The following CCDC3 variants were observed in gnomAD, a reference collection of about 807,000 sequenced individuals.
CCDC3 encodes coiled-coil domain-containing protein 3.
A neutral mutation model predicts 21.4 loss-of-function variants in CCDC3; 24 were observed. That is an observed-to-expected ratio of 1.12 (90% CI 0.81 to 1.58). The LOEUF (loss-of-function observed/expected upper bound fraction) is 1.58. Ranked by LOEUF, CCDC3 falls within the 40% of genes most tolerant of loss-of-function variation. The pLI, the probability that CCDC3 is intolerant of heterozygous loss-of-function variation, is 0.00. For missense variants in CCDC3, 425 were observed against 360.9 expected, an observed-to-expected ratio of 1.18 and a Z score of -1.44; for synonymous variants, 186 against 166.0, an observed-to-expected ratio of 1.12 and a Z score of -0.93.
At chr10:13,031,433 G>T (rs1039725962) in intron 5 of CCDC3, among the ~76,000 whole-genome samples, 1 of 152,110 alleles carries the variant, frequency 6.6e-6, no homozygotes, top group Non-Finnish European at 1.5e-5. Context: ...ACAATTAAAA[G>T]AACTAGAGAA....
At position 12,972,742 on chromosome 10, in the gene CCDC3, G is replaced by A. The variant is rs529638101; in HGVS notation, c.549+25596C>T. Reference sequence around the variant, plus strand: ...TGAGACATGAGAATCTCTTGAACCCGGGAGGCAGAGGTTGCAGTGAGCCGA... The same window carrying A: ...TGAGACATGAGAATCTCTTGAACCCAGGAGGCAGAGGTTGCAGTGAGCCGA... On this transcript the variant is annotated intron_variant, in intron 2 of 2. Coordinates refer to ENST00000378825, the MANE Select transcript of CCDC3 (RefSeq NM_031455.4). Among the ~76,000 whole-genome samples, 17 of 151,320 alleles carry A rather than the reference G, an allele frequency of 1.1e-4. No homozygotes were observed. In the East Asian group the frequency reaches 1.4e-3, roughly 12 times the overall value.
intron 2 of CCDC3, among the ~76,000 whole-genome samples, chr10:12,972,535 G>A (rs1436288313): frequency 6.6e-6 from 1 of 152,160 alleles, no homozygotes; most frequent in Non-Finnish European, 1.5e-5. Context: ...GAGAAATTGG[G>A]CCAGGCACGA....
intron 2 of CCDC3, among the ~76,000 whole-genome samples, chr10:12,996,193 A>G (rs1835759526): frequency 6.6e-6 from 1 of 152,052 alleles, no homozygotes; most frequent in African/African-American, 2.4e-5. Flanking sequence ...TAAGAAGGAG[A>G]AAAGGAAGAA....
At chr10:12,923,904 C>T (rs1439873365) in intron 2 of CCDC3, among the ~76,000 whole-genome samples, 3 of 152,210 alleles carry the variant, frequency 2.0e-5, no homozygotes, top group Non-Finnish European at 4.4e-5. Context: ...ACTCGACACT[C>T]CAACCCTGCT....
At chr10:13,036,517 C>T (rs1836378928) in intron 5 of CCDC3, among the ~76,000 whole-genome samples, 1 of 152,136 alleles carries the variant, frequency 6.6e-6, no homozygotes, top group Non-Finnish European at 1.5e-5. Context: ...TGGAGTCTCG[C>T]TCTGTGGTCT....
chr10:12,934,658 T>C (rs1589012446), intron 2 of CCDC3, among the ~76,000 whole-genome samples: 1 of 152,260 alleles, frequency 6.6e-6, no homozygotes, highest in East Asian at 1.9e-4. Flanking sequence ...AGAATCATTA[T>C]GCCTTCTTGG....
chr10:12,917,279 C>T (rs1319807165), intron 2 of CCDC3, among the ~76,000 whole-genome samples: 16 of 149,328 alleles, frequency 1.1e-4, no homozygotes, highest in Admixed American at 5.4e-4. Flanking sequence ...CTGCAAGCTC[C>T]GCCTCCCGGG....
chr10:13,035,239 C>T (rs774909689), intron 5 of CCDC3, among the ~76,000 whole-genome samples: 1 of 152,102 alleles, frequency 6.6e-6, no homozygotes, highest in Non-Finnish European at 1.5e-5. Context: ...CCTGTTTTTG[C>T]TCTAGCGTGT....
intron 5 of CCDC3, among the ~76,000 whole-genome samples, chr10:13,038,374 C>CAAAAAAAAAA (rs58667035): frequency 1.0e-5 from 1 of 98,842 alleles, no homozygotes; most frequent in Non-Finnish European, 2.0e-5. Flanking sequence ...AGTTGGAAAG[C>CAAAAAAAAAA]AAAAAAAAAA....
At chr10:13,080,932 G>T (rs1837031766) in intron 3 of CCDC3, among the ~76,000 whole-genome samples, 1 of 152,228 alleles carries the variant, frequency 6.6e-6, no homozygotes, top group African/African-American at 2.4e-5. Flanking sequence ...AACGCACAGG[G>T]GTGATGAGGG....
chr10:12,933,318 T>C (rs1157662412), intron 2 of CCDC3, among the ~76,000 whole-genome samples: 2 of 152,230 alleles, frequency 1.3e-5, no homozygotes, highest in African/African-American at 4.8e-5. Flanking sequence ...ACTGATTCAA[T>C]TTATTTAATA....
intron 5 of CCDC3, among the ~76,000 whole-genome samples, chr10:13,012,879 C>T (rs1490585723): frequency 1.3e-5 from 2 of 152,002 alleles, no homozygotes; most frequent in African/African-American, 2.4e-5. Context: ...ATATAACAAA[C>T]CTGCATGTGT....
In CCDC3 at chr10:13,070,821, T is replaced by A. The variant is rs1283187289; in HGVS notation, c.-270+3047A>T. Among the ~76,000 whole-genome samples the A allele has an allele frequency of 2.6e-5, 4 of 152,224 alleles. No individual in the cohort carries two copies. In the East Asian group the frequency reaches 7.7e-4, roughly 29 times the overall value. On this transcript the variant is annotated intron_variant, in intron 4 of 6. Coordinates refer to the CCDC3 transcript ENST00000378839. Reference sequence around the variant, plus strand: ...CTATTTTGCAAACAACCCAGTCCTATCATGATTTGTTTTTAACAAAAATGA... The same window carrying A: ...CTATTTTGCAAACAACCCAGTCCTAACATGATTTGTTTTTAACAAAAATGA...
chr10:12,986,914 A>T (rs1007332142), intron 2 of CCDC3, among the ~76,000 whole-genome samples: 2 of 152,186 alleles, frequency 1.3e-5, no homozygotes, highest in Non-Finnish European at 2.9e-5. Context: ...TTGATGGCAA[A>T]ACAAAAAAGA....
At chr10:13,031,763 C>A (rs1293597290) in intron 5 of CCDC3, among the ~76,000 whole-genome samples, 6 of 152,140 alleles carry the variant, frequency 3.9e-5, no homozygotes, top group African/African-American at 1.4e-4. Flanking sequence ...AATTCCTGGA[C>A]ACATACACCC....
chr10:13,068,638 T>G (rs1836848887), intron 4 of CCDC3, among the ~76,000 whole-genome samples: 1 of 152,232 alleles, frequency 6.6e-6, no homozygotes, highest in Non-Finnish European at 1.5e-5. Flanking sequence ...GCTTCACAAC[T>G]GGTGAGGCCT....
intron 2 of CCDC3, among the ~76,000 whole-genome samples, chr10:12,962,040 GAA>G (rs933253535): frequency 1.3e-5 from 2 of 152,148 alleles, no homozygotes; most frequent in African/African-American, 4.8e-5. Context: ...GTTGCTCTCT[GAA>G]AAGATTGAAA....
chr10:12,995,355 C>T (rs1835745946), intron 2 of CCDC3, among the ~76,000 whole-genome samples: 1 of 152,154 alleles, frequency 6.6e-6, no homozygotes, highest in South Asian at 2.1e-4. Flanking sequence ...GATTCTCCTG[C>T]CTCAACATCC....
chr10:13,020,449 A>G lies in CCDC3; in HGVS notation c.-1-21937T>C, dbSNP rs150393621. Among the ~76,000 whole-genome samples the G allele has an allele frequency of 3.3e-5, 5 of 152,376 alleles. No individual in the cohort carries two copies. The East Asian group carries it at 9.6e-4, about 29-fold the overall frequency. On this transcript the variant is annotated intron_variant, in intron 5 of 6. Coordinates refer to the CCDC3 transcript ENST00000378839. ...AACAAAGGACAAAGCTTATTTCTAT[A>G]TAATGTTAAACATCGTTATAAGGGA...
Sources: gnomAD v4.1 joint callset for allele counts (sites outside exome capture counted in the v4.1 genomes callset) on GRCh38, gnomAD v4.1.1 for gene constraint, MANE v1.5 for transcripts, NCBI Gene and HGNC (gene_info 2026-07-23, HGNC 2026-07-21) for gene names.